The following RASA3 variants were observed in gnomAD, a reference collection of about 807,000 sequenced individuals.
RASA3 encodes ras GTPase-activating protein 3.
In RASA3, 73 loss-of-function variants were observed where a neutral mutation model predicts 110.0. The observed-to-expected ratio is 0.66, with a 90% CI of 0.55 to 0.81. The LOEUF (loss-of-function observed/expected upper bound fraction) is 0.81. Among genes scored for constraint, RASA3 ranks in the 30% least tolerant of loss-of-function variants. The pLI is 0.00. For missense variants in RASA3, 976 were observed against 1,113.2 expected, an observed-to-expected ratio of 0.88 and a Z score of 1.75; for synonymous variants, 500 against 451.4, an observed-to-expected ratio of 1.11 and a Z score of -1.37.
At chr13:114,038,097 G>C (rs963047663) in intron 4 of RASA3, among the ~76,000 whole-genome samples, 1 of 148,608 alleles carries the variant, frequency 6.7e-6, no homozygotes, top group Non-Finnish European at 1.5e-5. Context: ...AAAAAGGCAA[G>C]AAAGAGGAAA....
chr13:114,021,882 C>T lies in RASA3; in HGVS notation c.681-374G>A, dbSNP rs376644876. ...CTGCGTGCACCCAGGAGCTACATGA[C>T]CCCAGGCTCTGTGCCAGGAGGGAGC... On this transcript the variant is annotated intron_variant, in intron 8 of 23. Transcript: ENST00000334062. 1.9e-3 allele frequency among the ~76,000 whole-genome samples: 288 copies of T among 152,098 alleles called. 1 individual carries two copies. Among genetic ancestry groups the T allele is most frequent in the African/African-American group, 6.5e-3 (269 of 41,510 alleles).
intron 5 of RASA3, among the ~76,000 whole-genome samples, chr13:114,029,441 G>A: frequency 2.0e-5 from 1 of 49,060 alleles, no homozygotes; most frequent in African/African-American, 1.7e-4. Flanking sequence ...CATCCTGGGG[G>A]CCAGGACCTC....
At chr13:114,111,863 G>A (rs2080224505) in intron 1 of RASA3, among the ~76,000 whole-genome samples, 3 of 152,210 alleles carry the variant, frequency 2.0e-5, no homozygotes, top group South Asian at 4.1e-4. Flanking sequence ...CAAAGACGGC[G>A]CTTCCAGAGG....
chr13:114,116,311 G>A lies in RASA3; in HGVS notation c.55+16124C>T, dbSNP rs118176174. The stretch of plus-strand genomic sequence containing the variant: ...CTCTGAAACACACATACATAAAATA[G>A]AAATACCGTCCTCACTATTAACCTA... On this transcript the variant is annotated intron_variant, in intron 1 of 23. Transcript: ENST00000334062. Among the ~76,000 whole-genome samples, 504 of 152,216 alleles carry A rather than the reference G, an allele frequency of 3.3e-3. 1 individual carries two copies. Among genetic ancestry groups the A allele is most frequent in the Non-Finnish European group, 4.9e-3 (332 of 68,004 alleles).
rs1366202048 is a variant in RASA3, at chr13:113,993,805, CTAAAAAAA to C, written c.2142-1225_2142-1218del. ...CCTGGGCAACAGAGCGAGACTCTGC[CTAAAAAAA>C]AAAAAAAAAAAAAAAAAAGAAAAGA... On this transcript the variant is annotated intron_variant, in intron 21 of 23. Transcript: ENST00000334062. Among the ~76,000 whole-genome samples the C allele has an allele frequency of 2.9e-3, 118 of 41,314 alleles. 1 individual carries two copies. Among genetic ancestry groups the C allele is most frequent in the African/African-American group, 0.018 (111 of 6,164 alleles). 27.1% of individuals were successfully genotyped at this position (41,314 alleles called of 152,430 possible).
intron 2 of RASA3, among the ~76,000 whole-genome samples, chr13:114,071,128 GT>G (rs901807769): frequency 6.6e-6 from 1 of 152,162 alleles, no homozygotes; most frequent in Non-Finnish European, 1.5e-5. Context: ...TGTGTTTTGG[GT>G]TTTTTTGAGA....
Position 114,110,067 on chromosome 13 carries a change from C to T in RASA3, c.55+22368G>A, listed in dbSNP as rs1476059833. Among the ~76,000 whole-genome samples, 3 of 152,378 alleles carry T rather than the reference C, an allele frequency of 2.0e-5. No homozygotes were observed. The East Asian group carries it at 5.8e-4, about 29-fold the overall frequency. ...CAGGCCCTCTCCCCATCACAGAAACCTGACCAGTCACAGGTGGCTGCAGCC... is the reference window on the plus strand; with the variant it reads ...CAGGCCCTCTCCCCATCACAGAAACTTGACCAGTCACAGGTGGCTGCAGCC... On this transcript the variant is annotated intron_variant, in intron 1 of 23. Coordinates refer to ENST00000334062, the MANE Select transcript of RASA3 (RefSeq NM_007368.4).
chr13:114,101,055 G>A (rs1389609723), intron 1 of RASA3, among the ~76,000 whole-genome samples: 1 of 152,182 alleles, frequency 6.6e-6, no homozygotes, highest in Non-Finnish European at 1.5e-5. Context: ...CTGAGGAGCA[G>A]CCGGGGGTGT....
intron 1 of RASA3, among the ~76,000 whole-genome samples, chr13:114,080,323 C>T (rs923109433): frequency 2.0e-5 from 3 of 152,146 alleles, no homozygotes; most frequent in African/African-American, 2.4e-5. Context: ...CTTCTGTGGG[C>T]GGTGGAAGGA....
Position 114,029,865 on chromosome 13 carries a change from C to G in RASA3, c.395G>C (p.Arg132Pro), listed in dbSNP as rs201232084. The G allele has an allele frequency of 1.9e-6, 3 of 1,568,804 alleles. No homozygotes were observed. Among genetic ancestry groups the G allele is most frequent in the Non-Finnish European group, 2.6e-6 (3 of 1,158,310 alleles). Residue 132 changes from arginine (R) to proline (P), a missense_variant, in exon 5 of 24, where the codon CGG becomes CCG. Arg to Pro is a moderately radical substitution (Grantham distance 103, BLOSUM62 -2). Transcript: ENST00000334062. The part of the protein sequence containing the change: ...EVQGKVHLEL[R>P]LSEVITDTGV... Reference sequence around the variant, plus strand: ...AGTGTCTGTGATGACCTCGCTCAGCCGCAGCTCCAGGTGCACTTTGCCCTG... The same window carrying G: ...AGTGTCTGTGATGACCTCGCTCAGCGGCAGCTCCAGGTGCACTTTGCCCTG...
intron 1 of RASA3, among the ~76,000 whole-genome samples, chr13:114,095,452 T>C (rs1221624595): frequency 6.6e-6 from 1 of 152,170 alleles, no homozygotes; most frequent in African/African-American, 2.4e-5. Context: ...CACTACAGAT[T>C]TGCCTGTCCT....
In RASA3 at chr13:114,092,689, G is replaced by A. The variant is rs138810726; in HGVS notation, c.56-18852C>T. ...GTTTGTCAGGCTCTTTTGGCCTAGA[G>A]TATAGTTTAACTCCAATGCTTCTTG... On this transcript the variant is annotated intron_variant, in intron 1 of 23. Transcript: ENST00000334062. Among the ~76,000 whole-genome samples, 519 of 152,278 alleles carry A rather than the reference G, an allele frequency of 3.4e-3. 2 individuals carry two copies. In the Middle Eastern group the frequency reaches 0.044, roughly 13 times the overall value.
Position 114,115,423 on chromosome 13 carries a change from G to A in RASA3, c.55+17012C>T, listed in dbSNP as rs1053791271. Among the ~76,000 whole-genome samples the A allele has an allele frequency of 1.3e-5, 2 of 152,220 alleles. No homozygotes were observed. The highest frequency in any genetic ancestry group is 2.4e-5 in the African/African-American group (1 of 41,444). On this transcript the variant is annotated intron_variant, in intron 1 of 23. Coordinates refer to ENST00000334062, the MANE Select transcript of RASA3 (RefSeq NM_007368.4). The surrounding 1 kb of genome is among the most constrained non-coding windows in gnomAD (Gnocchi z 5.0). The stretch of plus-strand genomic sequence containing the variant: ...AGGCTTGGGTTAGTGTCGGGCACGC[G>A]GGGGAGGTGCCTGCCTGCGTGAAGA...
chr13:114,021,317 T>C (rs2139328967), intron 9 of RASA3, 87 bp downstream of exon 9: 1 of 1,164,820 alleles, frequency 8.6e-7, no homozygotes, highest in East Asian at 2.4e-5. Context: ...CCAGCACATG[T>C]GGCCTCTGTG....
intron 21 of RASA3, among the ~76,000 whole-genome samples, chr13:113,995,096 G>C (rs1432177068): frequency 6.6e-6 from 1 of 152,388 alleles, no homozygotes; most frequent in African/African-American, 2.4e-5. Flanking sequence ...GGGACCCACA[G>C]ATCTGCCAAG....
intron 1 of RASA3, among the ~76,000 whole-genome samples, chr13:114,082,248 C>G (rs2079797201): frequency 1.3e-5 from 2 of 152,212 alleles, no homozygotes; most frequent in African/African-American, 4.8e-5. Flanking sequence ...AGACAAAGGA[C>G]ATCACCGCAA....
At chr13:114,054,967 C>T (rs1418028373) in intron 2 of RASA3, among the ~76,000 whole-genome samples, 3 of 136,442 alleles carry the variant, frequency 2.2e-5, no homozygotes, top group East Asian at 2.0e-4. Context: ...GGTGTGTGCA[C>T]GTGTGTGCCC....
rs1314595920 is a variant in RASA3 at position 114,057,066 on chromosome 13, T to C, written c.174-4911A>G. Among the ~76,000 whole-genome samples the C allele has an allele frequency of 6.6e-6, 1 of 152,180 alleles. No homozygotes were observed. Among genetic ancestry groups the C allele is most frequent in the Non-Finnish European group, 1.5e-5 (1 of 68,026 alleles). On this transcript the variant is annotated intron_variant, in intron 2 of 23. Coordinates refer to ENST00000334062, the MANE Select transcript of RASA3 (RefSeq NM_007368.4). The surrounding 1 kb of genome is among the most constrained non-coding windows in gnomAD (Gnocchi z 5.0). ...CACACTCACAGTTCCATTTTACACA[T>C]TTGCAGCTGAGAACCCTGGAGCCAG...
intron 2 of RASA3, among the ~76,000 whole-genome samples, chr13:114,060,117 C>T (rs1262304037): frequency 6.6e-6 from 1 of 152,184 alleles, no homozygotes; most frequent in African/African-American, 2.4e-5. Context: ...CAGAGGGACA[C>T]CAGGTGCGAA....
Sources: gnomAD v4.1 joint callset for allele counts (sites outside exome capture counted in the v4.1 genomes callset) on GRCh38, gnomAD v4.1.1 for gene constraint, Gnocchi (gnomAD v3.1) non-coding constraint, MANE v1.5 for transcripts, NCBI Gene and HGNC (gene_info 2026-07-23, HGNC 2026-07-21) for gene names.